The following SPG11 variants were observed in gnomAD, a reference collection of about 807,000 sequenced individuals.
The protein encoded by SPG11 is spatacsin.
Under a neutral mutation model 274.0 loss-of-function variants are expected in SPG11, and 222 were observed. The ratio of observed to expected loss-of-function variants is 0.81; its 90% CI spans 0.73 to 0.91. The LOEUF is 0.91. Among genes scored for constraint, SPG11 ranks in the 40% least tolerant of loss-of-function variants. SPG11 has a pLI of 0.00. For synonymous variants in SPG11, 1,144 were observed against 1,039.7 expected (o/e 1.10, Z -1.93); for missense variants, 3,114 against 2,872.7 (o/e 1.08, Z -1.92).
chr15:44,565,791 A>G, intron 38 of SPG11, 63 bp downstream of exon 38: 2 of 1,602,192 alleles, frequency 1.2e-6, no homozygotes, highest in South Asian at 1.1e-5. Context: ...TCTGGGTTCC[A>G]TGAGTGGGAC....
rs763676031 is a variant in SPG11, at chr15:44,570,550, G to A, written c.6452C>T (p.Ala2151Val). The change falls in exon 34 of 40, where the codon GCC (alanine) becomes GTC (valine). Residue 2151 changes from alanine to valine, a missense_variant. Transcript: ENST00000261866. The stretch of plus-strand genomic sequence containing the variant: ...CACCAGCCCATACTCCTCACTGGGG[G>A]CCAGGTGGTTATCTGTGAGCATGTG... ...AAHMLTDNHL[A>V]PSEEYGLVVR... is the part of the protein sequence containing the mutation. 1.2e-6 allele frequency: 2 copies of A among 1,614,034 alleles called. No homozygotes were observed. The highest frequency in any genetic ancestry group is 1.7e-6 in the Non-Finnish European group (2 of 1,180,040).
intron 27 of SPG11, among the ~76,000 whole-genome samples, chr15:44,592,028 T>C (rs1244391000): frequency 6.6e-6 from 1 of 151,522 alleles, no homozygotes; most frequent in Non-Finnish European, 1.5e-5. Flanking sequence ...GGAGAATCGC[T>C]TGAACCTGGG....
chr15:44,594,297 G>T (rs558287343), intron 26 of SPG11, among the ~76,000 whole-genome samples: 2 of 151,694 alleles, frequency 1.3e-5, no homozygotes, highest in African/African-American at 4.8e-5. Flanking sequence ...GTGGTGGCAC[G>T]CGCCTGTAGT....
intron 15 of SPG11, among the ~76,000 whole-genome samples, chr15:44,618,631 C>T (rs2083656510): frequency 6.7e-6 from 1 of 150,204 alleles, no homozygotes; most frequent in African/African-American, 2.5e-5. Context: ...TCCTGGCTAA[C>T]ATGGTGAAAC....
chr15:44,570,667 G>A lies in SPG11; in HGVS notation c.6344-9C>T, dbSNP rs752935771. 2.5e-6 allele frequency: 4 copies of A among 1,613,338 alleles called. No homozygotes were observed. In the African/African-American group the frequency reaches 5.3e-5, roughly 22 times the overall value. ...GATCAGGAGCTCTGTGGCTGGGAGG[G>A]TGGGCACTGGTAAGATAAGATTATG... is the stretch of plus-strand genomic sequence containing the variant. On this transcript the variant is annotated splice_polypyrimidine_tract_variant and intron_variant, in intron 33 of 39. Coordinates refer to ENST00000261866, the MANE Select transcript of SPG11 (RefSeq NM_025137.4).
intron 36 of SPG11, 124 bp from the exon 37 acceptor site, chr15:44,566,429 C>T (rs1595817997): frequency 1.1e-5 from 10 of 920,936 alleles, no homozygotes; most frequent in Middle Eastern, 3.1e-4. Flanking sequence ...GGCAGGAACA[C>T]CTCACTCAGA....
rs79974470 is a variant in SPG11, at chr15:44,660,729, G to T, written c.258-113C>A. 35,565 of 944,670 alleles carry T rather than the reference G, an allele frequency of 0.038. 2,846 individuals are homozygous for T. Among genetic ancestry groups the T allele is most frequent in the African/African-American group, 0.23 (14,115 of 61,050 alleles). The allele number at this position is 944,670 out of a possible 1,614,324, so 58.5% of individuals were successfully genotyped here. On this transcript the variant is annotated intron_variant, in intron 1 of 39. Transcript: ENST00000261866. ...AGAACAGTTTAGTTGACCTGGTATA[G>T]TCATTCTACACTTCAATCTAAGAGA...
intron 14 of SPG11, 138 bp downstream of exon 14, chr15:44,621,621 A>C (rs944291779): frequency 3.3e-5 from 28 of 851,852 alleles, no homozygotes; most frequent in Middle Eastern, 2.6e-4. Flanking sequence ...TCTTAATGCA[A>C]CGACTTGCAT....
At chr15:44,564,387 T>C (rs891188962) in intron 39 of SPG11, among the ~76,000 whole-genome samples, 160 bp downstream of exon 39, 3 of 152,222 alleles carry the variant, frequency 2.0e-5, no homozygotes, top group African/African-American at 7.2e-5. Flanking sequence ...TTTGCATAAA[T>C]CTGTTAAAAG....
chr15:44,580,481 TA>T (rs1046185704), intron 30 of SPG11, among the ~76,000 whole-genome samples: 3 of 151,962 alleles, frequency 2.0e-5, no homozygotes, highest in Non-Finnish European at 4.4e-5. Context: ...AAAAAAAGTT[TA>T]AAAAAAACTG....
chr15:44,583,181 T>G (rs969004409), intron 30 of SPG11, among the ~76,000 whole-genome samples: 1 of 152,116 alleles, frequency 6.6e-6, no homozygotes, highest in African/African-American at 2.4e-5. Context: ...AAAGGTAACA[T>G]AAAAAACAGA....
At position 44,564,680 on chromosome 15, in the gene SPG11, C is replaced by A. The variant is rs1375685761; in HGVS notation, c.7018G>T (p.Ala2340Ser). The A allele has an allele frequency of 6.2e-7, 1 of 1,614,142 alleles. No individual in the cohort carries two copies. Among genetic ancestry groups the A allele is most frequent in the East Asian group, 2.2e-5 (1 of 44,878 alleles). The change falls in exon 39 of 40, where the codon GCC becomes TCC. Residue 2340 changes from alanine (A) to serine (S), a missense_variant. By Grantham distance (99) the Ala-to-Ser change is moderately conservative. Coordinates refer to ENST00000261866, the MANE Select transcript of SPG11 (RefSeq NM_025137.4). ...GCCCAATCTGGAACAAAATCGTAGG[C>A]CTCAGCCACAATAGAAGCCTTAAAA... The part of the protein sequence containing the change: ...RFYQASIVAE[A>S]YDFVPDWAEI...
intron 4 of SPG11, among the ~76,000 whole-genome samples, chr15:44,652,818 C>T (rs181352708): frequency 3.2e-4 from 48 of 152,154 alleles, no homozygotes; most frequent in Admixed American, 3.0e-3. Context: ...CCATGCCTGG[C>T]TAATTTCTGT....
chr15:44,572,747 G>C lies in SPG11; in HGVS notation c.6279C>G (p.Arg2093=), dbSNP rs774791468. The change falls in exon 33 of 40, where the codon CGC becomes CGG. Residue 2093 remains arginine, a synonymous_variant. Transcript: ENST00000261866. ...CCAACAACTTCATGCCTACCAATGT[G>C]CGGTCTTGACACAGAGTGGTCAGCT... The part of the protein sequence containing the change: ...FLQLTTLCQD[R]TLVGMKLLDK... The C allele has an allele frequency of 6.2e-7, 1 of 1,614,070 alleles. No homozygotes were observed. Among genetic ancestry groups the C allele is most frequent in the Non-Finnish European group, 8.5e-7 (1 of 1,179,992 alleles).
At chr15:44,602,118 T>C (rs1292547277) in intron 20 of SPG11, among the ~76,000 whole-genome samples, 1 of 152,250 alleles carries the variant, frequency 6.6e-6, no homozygotes, top group East Asian at 1.9e-4. Context: ...GTTTTACTGG[T>C]AGAGTCTTTA....
In SPG11 at chr15:44,610,938, TC is replaced by T. The variant is rs1595878941; in HGVS notation, c.3192del (p.Ile1065PhefsTer8). 2.5e-6 allele frequency: 4 copies of T among 1,613,914 alleles called. No homozygotes were observed. Among genetic ancestry groups the T allele is most frequent in the Non-Finnish European group, 3.4e-6 (4 of 1,179,964 alleles). Reference sequence around the variant, plus strand: ...CTTACACTGGCCTGATTGGTGGGAATCAAAATCTGAGCATTTGCAAGGCTAG... The same window carrying T: ...CTTACACTGGCCTGATTGGTGGGAATAAAATCTGAGCATTTGCAAGGCTAG... ...FQASLANAQILIPTNQASVSS... is the reference protein window; with the variant it reads ...FQASLANAQIXIPTNQASVSS... On this transcript the variant is annotated frameshift_variant, in exon 18 of 40. Transcript: ENST00000261866. LOFTEE classifies it high-confidence loss of function.
rs1352501923 is a variant in SPG11, at chr15:44,651,636, T to C, written c.1311A>G (p.Ala437=). ...TCCTTTCCACTTCCCAAGTAAACAG[T>C]GCAGTGAATCCTGTCACAGACACAC... ...LKCVSVTGFT[A]LFTWEVERMG... Residue 437 remains alanine (A), a synonymous_variant, in exon 6 of 40, where the codon GCA becomes GCG. Transcript: ENST00000261866. The C allele has an allele frequency of 1.2e-6, 2 of 1,614,232 alleles. No individual in the cohort carries two copies. The highest frequency in any genetic ancestry group is 2.2e-5 in the South Asian group (2 of 91,092).
In SPG11 at chr15:44,648,985, CAAACA is replaced by C. The variant is rs758015273; in HGVS notation, c.1478_1482del (p.Leu493TrpfsTer63). The C allele has an allele frequency of 6.8e-6, 11 of 1,613,358 alleles. No individual in the cohort carries two copies. The highest frequency in any genetic ancestry group is 8.5e-6 in the Non-Finnish European group (10 of 1,179,592). ...TTTAAAAACTCTTCTTGAGTCAAAC[CAAACA>C]AAATCAGAGAGAGTCCATTCTCTAT... On this transcript the variant is annotated frameshift_variant, in exon 7 of 40. Transcript: ENST00000261866. LOFTEE classifies it high-confidence loss of function.
At chr15:44,624,148 A>G (rs2083830746) in intron 11 of SPG11, among the ~76,000 whole-genome samples, 1 of 152,058 alleles carries the variant, frequency 6.6e-6, no homozygotes, top group South Asian at 2.1e-4. Flanking sequence ...ATGGATAAAG[A>G]AAATGTGGTG....
Sources: allele counts gnomAD v4.1 joint callset (sites outside exome capture counted in the v4.1 genomes callset), GRCh38; gene constraint gnomAD v4.1.1; transcripts MANE v1.5; gene names NCBI Gene and HGNC (gene_info 2026-07-23, HGNC 2026-07-21).